KIF26B: variants seen among roughly 807,000 people sequenced by gnomAD.
The protein encoded by KIF26B is kinesin-like protein KIF26B.
Under a neutral mutation model 151.2 loss-of-function variants are expected in KIF26B, and 63 were observed. The observed-to-expected ratio is 0.42, with a 90% CI of 0.34 to 0.51. KIF26B has a LOEUF of 0.51. Among genes scored for constraint, KIF26B ranks in the 20% least tolerant of loss-of-function variants. KIF26B has a pLI of 0.07. For missense variants in KIF26B, 2,813 were observed against 2,913.6 expected (o/e 0.97, Z 0.79); for synonymous variants, 1,357 against 1,262.1 (o/e 1.08, Z -1.59).
At chr1:245,638,293 G>A (rs1348062492) in intron 9 of KIF26B, among the ~76,000 whole-genome samples, 3 of 151,778 alleles carry the variant, frequency 2.0e-5, no homozygotes, top group African/African-American at 7.2e-5. Context: ...ATCACAGATA[G>A]CATATAGAAA....
intron 4 of KIF26B, among the ~76,000 whole-genome samples, chr1:245,513,890 C>G (rs1482378422): frequency 6.6e-6 from 1 of 151,996 alleles, no homozygotes; most frequent in African/African-American, 2.4e-5. Flanking sequence ...CTCCATTCCT[C>G]CCTCATTTCA....
At chr1:245,418,573 C>A (rs1039034892) in intron 3 of KIF26B, among the ~76,000 whole-genome samples, 1 of 152,216 alleles carries the variant, frequency 6.6e-6, no homozygotes, top group African/African-American at 2.4e-5. Context: ...TGTTCCGGAT[C>A]TTTGCTTTAT....
chr1:245,647,872 C>A (rs2043970898), intron 10 of KIF26B, among the ~76,000 whole-genome samples: 1 of 152,120 alleles, frequency 6.6e-6, no homozygotes, highest in East Asian at 1.9e-4. Flanking sequence ...AATTTGGAAT[C>A]CTAGTTGGAT....
intron 4 of KIF26B, among the ~76,000 whole-genome samples, chr1:245,471,202 C>T (rs1659906135): frequency 6.6e-6 from 1 of 152,018 alleles, no homozygotes. Context: ...ACCATCTCGG[C>T]TCACTGCAAC....
At chr1:245,305,023 G>A (rs1671510243) in intron 2 of KIF26B, among the ~76,000 whole-genome samples, 1 of 152,146 alleles carries the variant, frequency 6.6e-6, no homozygotes, top group Admixed American at 6.5e-5. Flanking sequence ...GGAGGAAAAA[G>A]ATACAGAGCC....
At chr1:245,629,114 A>G (rs998714539) in intron 9 of KIF26B, among the ~76,000 whole-genome samples, 1 of 152,228 alleles carries the variant, frequency 6.6e-6, no homozygotes, top group Non-Finnish European at 1.5e-5. Context: ...AAACAAATGG[A>G]AAAACATCTC....
intron 2 of KIF26B, chr1:245,282,814 TTA>T: frequency 7.7e-6 from 1 of 129,288 alleles, no homozygotes; most frequent in East Asian, 2.8e-4. Flanking sequence ...CTCCGCTCCT[TTA>T]AAAAAAAAGA....
At chr1:245,456,663 T>G (rs1377697916) in intron 4 of KIF26B, among the ~76,000 whole-genome samples, 3 of 152,208 alleles carry the variant, frequency 2.0e-5, no homozygotes, top group African/African-American at 4.8e-5. Context: ...TCTTAGTGAT[T>G]TTTAAGAACT....
rs1261096463 is a variant in KIF26B at position 245,684,251 on chromosome 1, G to T, written c.2277G>T (p.Met759Ile). 6.2e-7 allele frequency: 1 copy of T among 1,613,458 alleles called. No homozygotes were observed. The highest frequency in any genetic ancestry group is 1.1e-5 in the South Asian group (1 of 91,056). The change falls in exon 11 of 15, where the codon ATG becomes ATT. Residue 759 changes from methionine to isoleucine, a missense_variant. This residue lies in a region of KIF26B where 2,060 missense variants were observed against 2,088.6 expected (regional missense o/e 0.99). Coordinates refer to ENST00000407071, the MANE Select transcript of KIF26B (RefSeq NM_018012.4). ...TTGGCAGAGAGAGCAAGCTCGCCAT[G>T]TTGCTGCGGGAGTCTCTGGGGAACA... The part of the protein sequence containing the change: ...HIPYKESKLA[M>I]LLRESLGNMN...
At chr1:245,432,246 G>A (rs551128965) in intron 4 of KIF26B, among the ~76,000 whole-genome samples, 7 of 152,226 alleles carry the variant, frequency 4.6e-5, no homozygotes, top group Middle Eastern at 3.4e-3. Flanking sequence ...AGAAGTTTGC[G>A]AATTTTCCCA....
At chr1:245,347,722 A>G (rs570027050) in intron 2 of KIF26B, among the ~76,000 whole-genome samples, 9 of 152,326 alleles carry the variant, frequency 5.9e-5, no homozygotes, top group Admixed American at 5.9e-4. Context: ...CACTCCATTT[A>G]TCTTTTAGCT....
intron 3 of KIF26B, among the ~76,000 whole-genome samples, chr1:245,372,707 A>G (rs1673156597): frequency 6.6e-6 from 1 of 152,230 alleles, no homozygotes; most frequent in Non-Finnish European, 1.5e-5. Context: ...AACATTTATT[A>G]TAGTCAATAA....
chr1:245,349,894 G>C (rs1450525792), intron 2 of KIF26B, among the ~76,000 whole-genome samples: 1 of 152,060 alleles, frequency 6.6e-6, no homozygotes, highest in East Asian at 1.9e-4. Flanking sequence ...TTGAGAACAG[G>C]CTTTTGTGAA....
At position 245,680,645 on chromosome 1, in the gene KIF26B, G is replaced by A. The variant is rs148738597; in HGVS notation, c.2259-3588G>A. On this transcript the variant is annotated intron_variant, in intron 10 of 14. Transcript: ENST00000407071. ...GATCTGCCGTCAGCTGTGTGCAGTGGGTTAACAAGACGACGGGGAACTTCA... is the reference window on the plus strand; with the variant it reads ...GATCTGCCGTCAGCTGTGTGCAGTGAGTTAACAAGACGACGGGGAACTTCA... Among the ~76,000 whole-genome samples, 325 of 152,278 alleles carry A rather than the reference G, an allele frequency of 2.1e-3. 1 individual carries two copies. The highest frequency in any genetic ancestry group is 0.013 in the Admixed American group (193 of 15,292).
chr1:245,440,099 T>C (rs1000018998), intron 4 of KIF26B, among the ~76,000 whole-genome samples: 2 of 152,064 alleles, frequency 1.3e-5, no homozygotes, highest in Non-Finnish European at 2.9e-5. Context: ...CGGGAGCCTG[T>C]AGTCCCAGCT....
chr1:245,264,765 C>T (rs938826600), intron 2 of KIF26B, among the ~76,000 whole-genome samples: 12 of 150,674 alleles, frequency 8.0e-5, no homozygotes, highest in Admixed American at 4.6e-4. Flanking sequence ...TGGTGGCGGG[C>T]TCCTGTAGTC....
rs565639347 is a variant in KIF26B, at chr1:245,326,655, A to G, written c.466-40179A>G. Among the ~76,000 whole-genome samples, 66 of 152,338 alleles carry G rather than the reference A, an allele frequency of 4.3e-4. No individual in the cohort carries two copies. The South Asian group carries it at 5.8e-3, about 13-fold the overall frequency. ...GCACAAGGAGCAGCAGCTGGTAAGGACCAGGAGACAGCCCGGCCTCCTCCA... is the reference window on the plus strand; with the variant it reads ...GCACAAGGAGCAGCAGCTGGTAAGGGCCAGGAGACAGCCCGGCCTCCTCCA... On this transcript the variant is annotated intron_variant, in intron 2 of 14. Coordinates refer to ENST00000407071, the MANE Select transcript of KIF26B (RefSeq NM_018012.4).
intron 14 of KIF26B, among the ~76,000 whole-genome samples, chr1:245,700,558 C>T (rs186780735): frequency 1.2e-3 from 183 of 152,152 alleles, no homozygotes; most frequent in Non-Finnish European, 1.3e-3. Context: ...ATTAGCCGGG[C>T]GTGGTGGCGG....
At chr1:245,648,251 TGGC>T (rs2043975133) in intron 10 of KIF26B, among the ~76,000 whole-genome samples, 1 of 152,248 alleles carries the variant, frequency 6.6e-6, no homozygotes, top group South Asian at 2.1e-4. Context: ...GTTGAATTGA[TGGC>T]GGGAAGATAG....
Sources: gnomAD v4.1 joint callset for allele counts (sites outside exome capture counted in the v4.1 genomes callset) on GRCh38, gnomAD v4.1.1 for gene constraint, gnomAD v4.1.1 regional missense constraint, MANE v1.5 for transcripts, NCBI Gene and HGNC (gene_info 2026-07-23, HGNC 2026-07-21) for gene names.